The following DGKZ variants were observed in gnomAD, a reference collection of about 807,000 sequenced individuals.
DGKZ encodes diacylglycerol kinase zeta, also known as DAG kinase zeta.
DGKZ carries 45 observed loss-of-function variants against 142.5 expected under a neutral mutation model. The ratio of observed to expected loss-of-function variants is 0.32; its 90% confidence interval spans 0.25 to 0.40. The LOEUF (loss-of-function observed/expected upper bound fraction) is 0.40, where lower values mean the gene tolerates loss of function less well. DGKZ is among the 10% of genes least tolerant of loss of function. The probability of loss-of-function intolerance (pLI) is 1.00; values close to 1 mark genes in which losing one functional copy is unlikely to be tolerated. For synonymous variants in DGKZ, 442 were observed against 527.0 expected, an observed-to-expected ratio of 0.84 and a Z score of 2.21; for missense variants, 755 against 1,306.5, an observed-to-expected ratio of 0.58 and a Z score of 6.51.
At chr11:46,362,281 A>G (rs1267651586) in intron 1 of DGKZ, among the ~76,000 whole-genome samples, 2 of 152,116 alleles carry the variant, frequency 1.3e-5, no homozygotes, top group African/African-American at 2.4e-5. Flanking sequence ...CCCATGGGGT[A>G]TCCTGTGAGA....
At chr11:46,333,499 G>T (rs762937344) in intron 1 of DGKZ, 6 of 1,542,090 alleles carry the variant, frequency 3.9e-6, no homozygotes, top group South Asian at 1.2e-5. Context: ...TAAGGAGGAC[G>T]TGGGCAGAGG....
At chr11:46,342,941 T>C (rs909925725), upstream of DGKZ, among the ~76,000 whole-genome samples, 1 of 152,102 alleles carries the variant, frequency 6.6e-6, no homozygotes, top group African/African-American at 2.4e-5. Context: ...CTGGTCAACA[T>C]GGTGAAACTC....
chr11:46,361,893 A>G (rs1476935766), intron 1 of DGKZ: 8 of 156,510 alleles, frequency 5.1e-5, no homozygotes, highest in Non-Finnish European at 9.7e-5. Flanking sequence ...GCCAGGGCAG[A>G]CCCTGCCGAC....
chr11:46,371,687 C>T lies in DGKZ; in HGVS notation c.760-17C>T, dbSNP rs1943967484. ...AGCCTGCCCACCTCGTCACCAACAC[C>T]CCTGCTTCCCTTGCAGAATACTCTG... On this transcript the variant is annotated splice_polypyrimidine_tract_variant and intron_variant, in intron 8 of 30. Coordinates refer to ENST00000527911, the Ensembl canonical transcript of DGKZ. 6.2e-7 allele frequency: 1 copy of T among 1,613,944 alleles called. No homozygotes were observed.
At chr11:46,369,276 G>C (rs1943680727) in intron 4 of DGKZ, 1 of 633,312 alleles carries the variant, frequency 1.6e-6, no homozygotes. Context: ...CCTGGGTCCT[G>C]GGTGGAAGAA....
intron 19 of DGKZ, 140 bp downstream of exon 19, chr11:46,375,185 G>A: frequency 1.1e-6 from 1 of 896,568 alleles, no homozygotes. Context: ...CTTGAGAGCG[G>A]CACCTACCCC....
At chr11:46,333,872 G>A (rs1939884890) in intron 1 of DGKZ, among the ~76,000 whole-genome samples, 1 of 152,144 alleles carries the variant, frequency 6.6e-6, no homozygotes. Flanking sequence ...GCTTTCCCGT[G>A]GGCTGAGTCT....
At chr11:46,363,574 C>T (rs116753200) in intron 1 of DGKZ, among the ~76,000 whole-genome samples, 5,621 of 152,268 alleles carry the variant, frequency 0.037, 338 homozygotes, top group African/African-American at 0.13. Flanking sequence ...CCTTGTCTCT[C>T]GAGGGGGTCC....
At chr11:46,375,788 G>C in intron 20 of DGKZ, 63 bp from the exon 21 acceptor site, 1 of 1,533,622 alleles carries the variant, frequency 6.5e-7, no homozygotes, top group Non-Finnish European at 8.8e-7. Context: ...TTTGGTGCCA[G>C]GCCGAGGGTG....
intron 14 of DGKZ, 88 bp downstream of exon 14, chr11:46,373,189 G>A (rs759173771): frequency 1.7e-4 from 243 of 1,420,582 alleles, no homozygotes; most frequent in Non-Finnish European, 2.0e-4. Context: ...GACCTCGGGC[G>A]TGTCTCTTCA....
At chr11:46,361,545 C>T (rs1942652811) in intron 1 of DGKZ, 16 of 795,414 alleles carry the variant, frequency 2.0e-5, no homozygotes, top group Non-Finnish European at 2.3e-5. Flanking sequence ...CTGTCTCAGG[C>T]TGCAGGGAGG....
intron 1 of DGKZ, among the ~76,000 whole-genome samples, chr11:46,352,764 C>T (rs530538551): frequency 2.0e-5 from 3 of 152,330 alleles, no homozygotes; most frequent in Non-Finnish European, 2.9e-5. Flanking sequence ...GTTCCTGGGC[C>T]ACCCCTGAGC....
At chr11:46,373,153 C>T in intron 14 of DGKZ, 52 bp downstream of exon 14, 1 of 1,493,360 alleles carries the variant, frequency 6.7e-7, no homozygotes, top group South Asian at 1.3e-5. Flanking sequence ...GGGACTGGAT[C>T]CCACTTTTCC....
At chr11:46,370,153 A>G in intron 6 of DGKZ, 144 bp downstream of exon 6, 1 of 970,750 alleles carries the variant, frequency 1.0e-6, no homozygotes, top group Non-Finnish European at 1.6e-6. Context: ...CAGTGCCTTC[A>G]GTTCTCAAGC....
At chr11:46,377,745 CTT>C (rs1390950520) in intron 25 of DGKZ, 1 of 260,410 alleles carries the variant, frequency 3.8e-6, no homozygotes, top group Non-Finnish European at 7.4e-6. Flanking sequence ...GCCCCACTCT[CTT>C]CTCTTGGTTC....
At chr11:46,374,099 T>A (rs1359611553) in intron 14 of DGKZ, 58 bp from the exon 15 acceptor site, 2 of 1,588,592 alleles carry the variant, frequency 1.3e-6, no homozygotes, top group Non-Finnish European at 1.7e-6. Context: ...ACGAGGCCCC[T>A]GGAGCGGGGA....
intron 4 of DGKZ, 46 bp from the exon 5 acceptor site, chr11:46,369,448 C>T (rs372720290): frequency 9.3e-6 from 15 of 1,612,446 alleles, no homozygotes; most frequent in African/African-American, 8.0e-5. Flanking sequence ...TACCTGACCC[C>T]GAAGGGAGGT....
rs539702362 is a variant in DGKZ, at chr11:46,374,863, G to C, written c.1598+24G>C. ...AGGTGAGGAGGGGGCTACCGGAGCTGGGGGGAGCCCTGCTGTCCTTGTCCT... is the reference window on the plus strand; with the variant it reads ...AGGTGAGGAGGGGGCTACCGGAGCTCGGGGGAGCCCTGCTGTCCTTGTCCT... On this transcript the variant is annotated intron_variant, in intron 18 of 30. Transcript: ENST00000527911. 4.4e-5 allele frequency: 70 copies of C among 1,582,648 alleles called. No homozygotes were observed. In the South Asian group the frequency reaches 7.6e-4, roughly 17 times the overall value.
Position 46,367,813 on chromosome 11 carries a change from CGT to C in DGKZ, c.366+68_366+69del, listed in dbSNP as rs1943489094. 4 of 1,596,198 alleles carry C rather than the reference CGT, an allele frequency of 2.5e-6. No individual in the cohort carries two copies. The highest frequency in any genetic ancestry group is 3.4e-6 in the Non-Finnish European group (4 of 1,165,956). ...CCAGTAGCCGCAGCCCTTCCGGGAA[CGT>C]GGGATTGAGCCCGCTCCCTGGCACC... On this transcript the variant is annotated intron_variant, in intron 3 of 30. Coordinates refer to ENST00000527911, the Ensembl canonical transcript of DGKZ. The surrounding 1 kb of genome is among the most constrained non-coding windows in gnomAD (Gnocchi z 4.1).
Sources: allele counts gnomAD v4.1 joint callset (sites outside exome capture counted in the v4.1 genomes callset), GRCh38; gene constraint gnomAD v4.1.1; non-coding constraint Gnocchi (gnomAD v3.1); transcripts MANE v1.5; gene names NCBI Gene and HGNC (gene_info 2026-07-23, HGNC 2026-07-21).